The following GSK3B variants were observed in gnomAD, a reference collection of about 807,000 sequenced individuals.
The protein encoded by GSK3B is glycogen synthase kinase 3 beta.
A neutral mutation model predicts 56.4 loss-of-function variants in GSK3B; 15 were observed. That is an observed-to-expected ratio of 0.27 (90% confidence interval 0.18 to 0.41). GSK3B has a LOEUF of 0.41. GSK3B is among the 10% of genes least tolerant of loss of function. GSK3B has a pLI of 1.00. For synonymous variants in GSK3B, 181 were observed against 188.9 expected, an observed-to-expected ratio of 0.96 and a Z score of 0.34; for missense variants, 300 against 513.4, an observed-to-expected ratio of 0.58 and a Z score of 4.02.
At chr3:119,827,743 A>G (rs931997760) in intron 10 of GSK3B, among the ~76,000 whole-genome samples, 1 of 152,042 alleles carries the variant, frequency 6.6e-6, no homozygotes, top group East Asian at 1.9e-4. Flanking sequence ...CAAACTTTGC[A>G]TGTTCTCACT....
intron 1 of GSK3B, among the ~76,000 whole-genome samples, chr3:120,014,223 C>CA (rs2057805027): frequency 6.6e-6 from 1 of 151,810 alleles, no homozygotes; most frequent in African/African-American, 2.4e-5. Flanking sequence ...GCAATCCCAG[C>CA]ACTTTGGGAG....
At chr3:119,872,965 C>CTACT (rs902426605) in intron 8 of GSK3B, among the ~76,000 whole-genome samples, 3 of 152,122 alleles carry the variant, frequency 2.0e-5, no homozygotes, top group Non-Finnish European at 2.9e-5. Context: ...AATTCTCAAT[C>CTACT]TACTATTGCA....
At chr3:119,935,483 C>T (rs992026476) in intron 3 of GSK3B, among the ~76,000 whole-genome samples, 1 of 151,932 alleles carries the variant, frequency 6.6e-6, no homozygotes, top group Non-Finnish European at 1.5e-5. Flanking sequence ...ATATATGAAC[C>T]CACTTTTACT....
intron 1 of GSK3B, among the ~76,000 whole-genome samples, chr3:120,068,124 G>A (rs2058294966): frequency 6.6e-6 from 1 of 152,164 alleles, no homozygotes; most frequent in Admixed American, 6.5e-5. Context: ...CAGGCGCGGT[G>A]GCTCATGCCT....
At chr3:120,062,261 A>C (rs1279761342) in intron 1 of GSK3B, among the ~76,000 whole-genome samples, 10 of 152,224 alleles carry the variant, frequency 6.6e-5, no homozygotes, top group Admixed American at 6.5e-4. Flanking sequence ...TCCAATATTC[A>C]TAGTCAGAAT....
chr3:119,999,355 G>A (rs1461826396), intron 2 of GSK3B, among the ~76,000 whole-genome samples: 2 of 152,122 alleles, frequency 1.3e-5, no homozygotes, highest in Non-Finnish European at 2.9e-5. Context: ...GTCTAGATTC[G>A]AATCCTTGCT....
chr3:120,064,196 G>A (rs2058261605), intron 1 of GSK3B, among the ~76,000 whole-genome samples: 1 of 151,350 alleles, frequency 6.6e-6, no homozygotes, highest in South Asian at 2.1e-4. Flanking sequence ...AAAGTATAAA[G>A]CTAAGAAAGA....
At chr3:119,848,841 C>T (rs909394912) in intron 9 of GSK3B, among the ~76,000 whole-genome samples, 2 of 152,118 alleles carry the variant, frequency 1.3e-5, no homozygotes, top group Admixed American at 6.6e-5. Flanking sequence ...TATTCATTTT[C>T]CTTTCCCCTA....
intron 2 of GSK3B, among the ~76,000 whole-genome samples, chr3:119,961,300 TA>T (rs1277008843): frequency 1.3e-5 from 2 of 152,150 alleles, no homozygotes; most frequent in African/African-American, 2.4e-5. Flanking sequence ...ACAACAGCAC[TA>T]ATCTCTTCCT....
intron 7 of GSK3B, among the ~76,000 whole-genome samples, chr3:119,895,690 G>A (rs1448306303): frequency 1.3e-5 from 2 of 152,020 alleles, no homozygotes; most frequent in Non-Finnish European, 1.5e-5. Flanking sequence ...AATTATCTTG[G>A]AATCCTTGTC....
chr3:119,879,020 TTAAA>T (rs1460866731), intron 7 of GSK3B, among the ~76,000 whole-genome samples: 1 of 152,172 alleles, frequency 6.6e-6, no homozygotes, highest in African/African-American at 2.4e-5. Context: ...GTTGAATACT[TTAAA>T]TATGTGCAGT....
At chr3:120,069,665 G>GAAA (rs5852231) in intron 1 of GSK3B, among the ~76,000 whole-genome samples, 2 of 140,912 alleles carry the variant, frequency 1.4e-5, no homozygotes, top group African/African-American at 5.1e-5. Context: ...ACAGTTTTTG[G>GAAA]AAAAAAAAAA....
intron 1 of GSK3B, among the ~76,000 whole-genome samples, chr3:120,078,440 T>G (rs7628993): frequency 1.3e-5 from 2 of 152,270 alleles, no homozygotes; most frequent in African/African-American, 4.8e-5. Context: ...GCTCCCATTT[T>G]GGAAGTCATG....
At chr3:120,011,342 T>A (rs1244317401) in intron 1 of GSK3B, among the ~76,000 whole-genome samples, 1 of 152,180 alleles carries the variant, frequency 6.6e-6, no homozygotes, top group Non-Finnish European at 1.5e-5. Context: ...AAACTAGCTA[T>A]GATAGATATC....
chr3:119,855,723 G>C (rs185932122), intron 9 of GSK3B, among the ~76,000 whole-genome samples: 2 of 151,880 alleles, frequency 1.3e-5, no homozygotes, highest in East Asian at 1.9e-4. Flanking sequence ...GCAAACTATC[G>C]CAAGGACAGA....
At chr3:120,073,406 T>A (rs531875056) in intron 1 of GSK3B, among the ~76,000 whole-genome samples, 1 of 151,900 alleles carries the variant, frequency 6.6e-6, no homozygotes, top group African/African-American at 2.4e-5. Context: ...AAGAAAAGGA[T>A]AGGAGCTCAG....
chr3:119,832,345 T>A (rs2055615433), intron 10 of GSK3B, among the ~76,000 whole-genome samples: 2 of 152,258 alleles, frequency 1.3e-5, no homozygotes, highest in African/African-American at 4.8e-5. Context: ...CCCTGGCTAA[T>A]GTTTTGACTA....
At chr3:119,917,778 A>G (rs1016007200) in intron 4 of GSK3B, among the ~76,000 whole-genome samples, 1 of 151,716 alleles carries the variant, frequency 6.6e-6, no homozygotes, top group Non-Finnish European at 1.5e-5. Context: ...TGAAAAGTTT[A>G]TCTAGAAAAG....
intron 3 of GSK3B, among the ~76,000 whole-genome samples, chr3:119,931,902 A>C (rs2056949362): frequency 6.6e-6 from 1 of 152,168 alleles, no homozygotes; most frequent in Non-Finnish European, 1.5e-5. Flanking sequence ...CCTAGTTATT[A>C]ATTTTATTAA....
Sources: allele counts gnomAD v4.1 joint callset (sites outside exome capture counted in the v4.1 genomes callset), GRCh38; gene constraint gnomAD v4.1.1; transcripts MANE v1.5; gene names NCBI Gene and HGNC (gene_info 2026-07-23, HGNC 2026-07-21).